LGR5: variants seen among roughly 807,000 people sequenced by gnomAD.
LGR5 encodes the protein leucine rich repeat containing G protein-coupled receptor 5.
A neutral mutation model predicts 76.7 loss-of-function variants in LGR5; 54 were observed. The ratio of observed to expected loss-of-function variants is 0.70; its 90% CI spans 0.57 to 0.88. The LOEUF (loss-of-function observed/expected upper bound fraction) is 0.88. Among genes scored for constraint, LGR5 ranks in the 40% least tolerant of loss-of-function variants. LGR5 has a pLI of 0.00. For missense variants in LGR5, 1,078 were observed against 1,073.3 expected, an observed-to-expected ratio of 1.00 and a Z score of -0.06; for synonymous variants, 406 against 421.9, an observed-to-expected ratio of 0.96 and a Z score of 0.46.
intron 13 of LGR5, among the ~76,000 whole-genome samples, chr12:71,575,178 T>G (rs1351650527): frequency 6.6e-6 from 1 of 152,134 alleles, no homozygotes; most frequent in Admixed American, 6.5e-5. Flanking sequence ...TACCTACCTC[T>G]TAGGGTTGTG....
At chr12:71,453,949 C>T (rs953982181) in intron 1 of LGR5, among the ~76,000 whole-genome samples, 7 of 152,016 alleles carry the variant, frequency 4.6e-5, no homozygotes, top group African/African-American at 1.7e-4. Context: ...TGATGTGACT[C>T]TGTGTAGGAG....
intron 11 of LGR5, among the ~76,000 whole-genome samples, chr12:71,570,571 T>C (rs1162138422): frequency 1.3e-5 from 2 of 152,158 alleles, no homozygotes; most frequent in African/African-American, 2.4e-5. Flanking sequence ...TATTTGTGCA[T>C]AGGTGTGAGA....
At chr12:71,490,558 G>A (rs2137278008) in intron 1 of LGR5, among the ~76,000 whole-genome samples, 1 of 152,258 alleles carries the variant, frequency 6.6e-6, no homozygotes, top group East Asian at 1.9e-4. Flanking sequence ...TCTAATAAAT[G>A]TATAACGGTA....
chr12:71,449,021 A>T (rs1872140770), intron 1 of LGR5, among the ~76,000 whole-genome samples: 1 of 152,210 alleles, frequency 6.6e-6, no homozygotes, highest in Admixed American at 6.5e-5. Flanking sequence ...GACCCAAGGG[A>T]CAGTGCTGAC....
chr12:71,584,524 C>T lies in LGR5; in HGVS notation c.2514C>T (p.Thr838=). ...KEDLVSLRKQ[T]YVWTRSKHPS... ...ATCTGGTGAGCCTGAGAAAGCAAAC[C>T]TACGTCTGGACAAGATCAAAACACC... Residue 838 remains threonine, a synonymous_variant, in exon 18 of 18, where the codon ACC becomes ACT. Transcript: ENST00000266674. 6.2e-7 allele frequency: 1 copy of T among 1,614,120 alleles called. No individual in the cohort carries two copies. Among genetic ancestry groups the T allele is most frequent in the South Asian group, 1.1e-5 (1 of 91,072 alleles).
intron 4 of LGR5, among the ~76,000 whole-genome samples, chr12:71,544,912 GT>G (rs1200131429): frequency 6.6e-6 from 1 of 152,016 alleles, no homozygotes; most frequent in African/African-American, 2.4e-5. Flanking sequence ...GTTCAAAGTG[GT>G]CTCACAAAAT....
chr12:71,573,743 C>T (rs1878721905), intron 13 of LGR5, among the ~76,000 whole-genome samples: 2 of 151,552 alleles, frequency 1.3e-5, no homozygotes, highest in African/African-American at 4.8e-5. Context: ...AATACTATTC[C>T]TCAAAAGACT....
intron 1 of LGR5, among the ~76,000 whole-genome samples, chr12:71,474,970 G>A (rs1158089342): frequency 2.0e-5 from 3 of 152,148 alleles, no homozygotes; most frequent in Non-Finnish European, 2.9e-5. Flanking sequence ...AAAGACAGAT[G>A]ATATTAGGAA....
intron 3 of LGR5, among the ~76,000 whole-genome samples, chr12:71,532,084 T>C (rs2137360287): frequency 6.6e-6 from 1 of 152,318 alleles, no homozygotes; most frequent in East Asian, 1.9e-4. Context: ...AATACATACC[T>C]TGTACCAGTA....
intron 1 of LGR5, chr12:71,448,925 C>G (rs186966714): frequency 6.6e-6 from 1 of 152,200 alleles, no homozygotes. Flanking sequence ...CCTACTCTAT[C>G]ATTGTTACAG....
chr12:71,477,767 C>T (rs187002550), intron 1 of LGR5, among the ~76,000 whole-genome samples: 4 of 152,174 alleles, frequency 2.6e-5, no homozygotes, highest in African/African-American at 9.7e-5. Context: ...GCCACACAAG[C>T]TGTGCATGCC....
rs138136701 is a variant in LGR5, at chr12:71,452,314, A to C, written c.212+12022A>C. Among the ~76,000 whole-genome samples the C allele has an allele frequency of 3.1e-3, 476 of 152,322 alleles. 3 individuals carry two copies. The highest frequency in any genetic ancestry group is 0.011 in the African/African-American group (445 of 41,582). ...CTACATTTTAAAACACCCTGTGTCC[A>C]TGCATGTCTGCATCTGGGCAACTTC... On this transcript the variant is annotated intron_variant, in intron 1 of 17. Coordinates refer to ENST00000266674, the MANE Select transcript of LGR5 (RefSeq NM_003667.4).
At chr12:71,517,411 G>T (rs1201554410) in intron 2 of LGR5, among the ~76,000 whole-genome samples, 2 of 152,178 alleles carry the variant, frequency 1.3e-5, no homozygotes, top group African/African-American at 4.8e-5. Context: ...GCCCAAAAAA[G>T]AAAACCAATT....
chr12:71,541,354 C>T (rs868628512), intron 4 of LGR5, among the ~76,000 whole-genome samples: 8 of 152,084 alleles, frequency 5.3e-5, no homozygotes, highest in Non-Finnish European at 1.2e-4. Context: ...GCATGCATGG[C>T]AGTCATATCA....
At chr12:71,553,381 G>A (rs1877594856) in intron 5 of LGR5, 93 bp downstream of exon 5, 1 of 1,083,038 alleles carries the variant, frequency 9.2e-7, no homozygotes. Flanking sequence ...GCTCAAATGG[G>A]GACATTTTAA....
chr12:71,461,035 C>T (rs1485919853), intron 1 of LGR5, among the ~76,000 whole-genome samples: 1 of 152,190 alleles, frequency 6.6e-6, no homozygotes, highest in Non-Finnish European at 1.5e-5. Context: ...TATCCACTCT[C>T]CTTGCCACAG....
chr12:71,450,792 G>A lies in LGR5; in HGVS notation c.212+10500G>A, dbSNP rs115478302. On this transcript the variant is annotated intron_variant, in intron 1 of 17. Transcript: ENST00000266674. ...GATGACTGTAGCAGTTTCCTGTCAT[G>A]GTCTACGTAGACCTCGAACACATAC... Among the ~76,000 whole-genome samples, 1,014 of 152,138 alleles carry A rather than the reference G, an allele frequency of 6.7e-3. 8 individuals are homozygous for A. Among genetic ancestry groups the A allele is most frequent in the Middle Eastern group, 0.024 (7 of 294 alleles).
chr12:71,555,567 G>A (rs1877716571), intron 5 of LGR5, among the ~76,000 whole-genome samples: 1 of 152,150 alleles, frequency 6.6e-6, no homozygotes, highest in African/African-American at 2.4e-5. Context: ...GTTGACCTGT[G>A]CTCCCGCCCT....
intron 1 of LGR5, among the ~76,000 whole-genome samples, chr12:71,453,728 G>GA (rs1303902988): frequency 2.0e-5 from 3 of 150,626 alleles, no homozygotes; most frequent in African/African-American, 4.9e-5. Context: ...TATATTAACT[G>GA]AAAAAATAGT....
Sources: gnomAD v4.1 joint callset for allele counts (sites outside exome capture counted in the v4.1 genomes callset) on GRCh38, gnomAD v4.1.1 for gene constraint, MANE v1.5 for transcripts, NCBI Gene and HGNC (gene_info 2026-07-23, HGNC 2026-07-21) for gene names.